The following LRRTM4 variants were observed in gnomAD, a reference collection of about 807,000 sequenced individuals.
LRRTM4 encodes leucine rich repeat transmembrane neuronal 4, also known as leucine-rich repeat transmembrane neuronal protein 4.
Under a neutral mutation model 47.6 loss-of-function variants are expected in LRRTM4, and 25 were observed. That is an observed-to-expected ratio of 0.53 (90% CI 0.38 to 0.73). LRRTM4 has a LOEUF of 0.73. Among genes scored for constraint, LRRTM4 ranks in the 30% least tolerant of loss-of-function variants. The pLI is 0.00. For missense variants in LRRTM4, 638 were observed against 713.4 expected, an observed-to-expected ratio of 0.89 and a Z score of 1.20; for synonymous variants, 311 against 269.5, an observed-to-expected ratio of 1.15 and a Z score of -1.51.
At chr2:76,848,143 A>G (rs1221451025) in intron 3 of LRRTM4, among the ~76,000 whole-genome samples, 2 of 152,110 alleles carry the variant, frequency 1.3e-5, no homozygotes, top group Non-Finnish European at 2.9e-5. Context: ...GTGAAGGGGT[A>G]GAAAACAACT....
At chr2:76,833,390 A>G (rs1671412240) in intron 3 of LRRTM4, among the ~76,000 whole-genome samples, 1 of 152,102 alleles carries the variant, frequency 6.6e-6, no homozygotes, top group African/African-American at 2.4e-5. Context: ...ATTTATCTAC[A>G]CTAAACATAT....
Position 77,266,366 on chromosome 2 carries a change from T to A in LRRTM4, c.1551+251952A>T, listed in dbSNP as rs183457868. ...AAAAGGCAAAGATAAAATGAGATAA[T>A]AACTTGGTGGAAAAAATGCATGAGA... On this transcript the variant is annotated intron_variant, in intron 3 of 3. Coordinates refer to ENST00000409884, the MANE Select transcript of LRRTM4 (RefSeq NM_001134745.3). Among the ~76,000 whole-genome samples the A allele has an allele frequency of 5.5e-3, 831 of 152,152 alleles. 5 individuals carry two copies. The highest frequency in any genetic ancestry group is 0.019 in the African/African-American group (785 of 41,514).
chr2:77,286,398 T>G (rs889340817), intron 3 of LRRTM4, among the ~76,000 whole-genome samples: 1 of 151,984 alleles, frequency 6.6e-6, no homozygotes, highest in African/African-American at 2.4e-5. Flanking sequence ...AAATTGATAA[T>G]TATTAATAAT....
At chr2:77,007,149 G>A (rs1330429670) in intron 3 of LRRTM4, among the ~76,000 whole-genome samples, 1 of 151,280 alleles carries the variant, frequency 6.6e-6, no homozygotes, top group Non-Finnish European at 1.5e-5. Context: ...AATAAATAAA[G>A]AGGAATATAT....
At chr2:76,986,828 G>A (rs1676816232) in intron 3 of LRRTM4, among the ~76,000 whole-genome samples, 1 of 151,828 alleles carries the variant, frequency 6.6e-6, no homozygotes, top group Non-Finnish European at 1.5e-5. Flanking sequence ...TTCTTCTTTT[G>A]CTTTAGCTAA....
chr2:76,766,318 C>G (rs1273508484), intron 3 of LRRTM4, among the ~76,000 whole-genome samples: 1 of 152,118 alleles, frequency 6.6e-6, no homozygotes, highest in African/African-American at 2.4e-5. Flanking sequence ...TATATTTAGG[C>G]TCTATTTCTC....
intron 3 of LRRTM4, among the ~76,000 whole-genome samples, chr2:77,003,421 T>C (rs908371274): frequency 2.0e-5 from 3 of 152,054 alleles, no homozygotes; most frequent in Admixed American, 6.6e-5. Context: ...AGGGACCTGG[T>C]GGGAGGTAAC....
At chr2:76,991,399 A>C (rs1677004004) in intron 3 of LRRTM4, among the ~76,000 whole-genome samples, 1 of 151,698 alleles carries the variant, frequency 6.6e-6, no homozygotes, top group Non-Finnish European at 1.5e-5. Context: ...ACCACTAGCT[A>C]GACTAACAAA....
chr2:77,041,056 A>G (rs78226399), intron 3 of LRRTM4, among the ~76,000 whole-genome samples: 2,669 of 151,332 alleles, frequency 0.018, 62 homozygotes, highest in African/African-American at 0.052. Flanking sequence ...GTACTCATCA[A>G]CCAACCCCTC....
At chr2:77,082,425 ATAT>A (rs200821843) in intron 3 of LRRTM4, among the ~76,000 whole-genome samples, 10 of 152,038 alleles carry the variant, frequency 6.6e-5, no homozygotes, top group African/African-American at 2.4e-4. Flanking sequence ...ATAGAAACAA[ATAT>A]TAATTTTAAA....
chr2:76,833,427 TATAAAG>T (rs1368140356), intron 3 of LRRTM4, among the ~76,000 whole-genome samples: 2 of 152,030 alleles, frequency 1.3e-5, no homozygotes, highest in African/African-American at 4.8e-5. Flanking sequence ...AGAAACTAGA[TATAAAG>T]AAAGTTAAAA....
intron 3 of LRRTM4, among the ~76,000 whole-genome samples, chr2:77,255,790 T>C (rs559315719): frequency 6.6e-6 from 1 of 152,196 alleles, no homozygotes; most frequent in East Asian, 1.9e-4. Flanking sequence ...GATAAATTTA[T>C]AGCATTAAAC....
chr2:77,276,081 G>C (rs1449530896), intron 3 of LRRTM4, among the ~76,000 whole-genome samples: 1 of 151,742 alleles, frequency 6.6e-6, no homozygotes, highest in Non-Finnish European at 1.5e-5. Context: ...AACAAACAAA[G>C]AAAAAATGAT....
chr2:77,266,134 C>T (rs1309120115), intron 3 of LRRTM4, among the ~76,000 whole-genome samples: 2 of 152,022 alleles, frequency 1.3e-5, no homozygotes, highest in South Asian at 2.1e-4. Flanking sequence ...GAGTAGTTAC[C>T]GCAGAGATCA....
intron 3 of LRRTM4, among the ~76,000 whole-genome samples, chr2:77,241,193 T>C (rs1055151042): frequency 3.4e-5 from 5 of 147,690 alleles, no homozygotes; most frequent in African/African-American, 1.3e-4. Flanking sequence ...AACAAAAACA[T>C]GGAATTGGAA....
At chr2:77,150,673 A>G (rs1672394107) in intron 3 of LRRTM4, among the ~76,000 whole-genome samples, 2 of 152,196 alleles carry the variant, frequency 1.3e-5, no homozygotes, top group Non-Finnish European at 2.9e-5. Flanking sequence ...CAAAAAACTA[A>G]GCACAATGGT....
chr2:77,446,606 T>A (rs903374476), intron 3 of LRRTM4, among the ~76,000 whole-genome samples: 5 of 152,062 alleles, frequency 3.3e-5, no homozygotes, highest in Non-Finnish European at 7.4e-5. Context: ...ACTCATACCT[T>A]TTTTGCTTCT....
chr2:77,411,766 G>A (rs533928979), intron 3 of LRRTM4, among the ~76,000 whole-genome samples: 2 of 151,476 alleles, frequency 1.3e-5, no homozygotes, highest in East Asian at 3.9e-4. Flanking sequence ...CACCGCGCCC[G>A]GCCCCCAGGG....
intron 3 of LRRTM4, among the ~76,000 whole-genome samples, chr2:77,396,231 ACATATGTATTCTATATTTG>A (rs1185127565): frequency 1.3e-5 from 2 of 151,962 alleles, no homozygotes; most frequent in South Asian, 2.1e-4. Flanking sequence ...GTGTGTTTAC[ACATATGTATTCTATATTTG>A]CATATGTATT....
Sources: allele counts gnomAD v4.1 joint callset (sites outside exome capture counted in the v4.1 genomes callset), GRCh38; gene constraint gnomAD v4.1.1; transcripts MANE v1.5; gene names NCBI Gene and HGNC (gene_info 2026-07-23, HGNC 2026-07-21).